NBPF3: variants seen among roughly 807,000 people sequenced by gnomAD.
NBPF3 encodes the protein NBPF family member NBPF3.
NBPF3 carries 57 observed loss-of-function variants against 78.1 expected under a neutral mutation model. The ratio of observed to expected loss-of-function variants is 0.73; its 90% CI spans 0.59 to 0.91. The LOEUF is 0.91. Among genes scored for constraint, NBPF3 ranks in the 40% least tolerant of loss-of-function variants. The probability of loss-of-function intolerance (pLI) is 0.00; values close to 1 mark genes in which losing one functional copy is unlikely to be tolerated. For missense variants in NBPF3, 510 were observed against 715.3 expected, an observed-to-expected ratio of 0.71 and a Z score of 3.27; for synonymous variants, 182 against 271.7, an observed-to-expected ratio of 0.67 and a Z score of 3.25.
rs1488651736 is a variant in NBPF3 at position 21,476,979 on chromosome 1, T to C, written c.993-1165T>C. On this transcript the variant is annotated intron_variant, in intron 8 of 14. Coordinates refer to ENST00000318249, the MANE Select transcript of NBPF3 (RefSeq NM_032264.6). This position sits in a 1 kb window ranked among gnomAD's most constrained non-coding sequence, Gnocchi z 4.1. ...TATTGGAGGCTTTGTTCATTTCTTT[T>C]TACTCTTTTTTCTCTAAACTGCTCT... 1.3e-5 allele frequency among the ~76,000 whole-genome samples: 2 copies of C among 152,220 alleles called. No homozygotes were observed. The highest frequency in any genetic ancestry group is 2.9e-5 in the Non-Finnish European group (2 of 68,036).
At chr1:21,463,525 G>A (rs560201672) in intron 2 of NBPF3, among the ~76,000 whole-genome samples, 1 of 152,322 alleles carries the variant, frequency 6.6e-6, no homozygotes, top group African/African-American at 2.4e-5. Flanking sequence ...ACGATGTCTT[G>A]AAGGAAACAT....
At chr1:21,470,774 G>A (rs749373234) in intron 4 of NBPF3, 40 bp downstream of exon 4, 2 of 1,377,584 alleles carry the variant, frequency 1.5e-6, no homozygotes, top group South Asian at 2.3e-5. Context: ...GGGCAGGTGT[G>A]TAAATATCTG....
chr1:21,455,311 TCTC>T (rs1558482881), intron 2 of NBPF3, among the ~76,000 whole-genome samples: 1 of 152,200 alleles, frequency 6.6e-6, no homozygotes, highest in Non-Finnish European at 1.5e-5. Flanking sequence ...AGGAGTGACA[TCTC>T]CTCAGTGGCT....
In NBPF3 at chr1:21,440,534, C is replaced by A. The variant is rs548125296; in HGVS notation, c.-140+186C>A. Among the ~76,000 whole-genome samples, 4 of 152,286 alleles carry A rather than the reference C, an allele frequency of 2.6e-5. No homozygotes were observed. The South Asian group carries it at 8.3e-4, about 32-fold the overall frequency. On this transcript the variant is annotated intron_variant, in intron 1 of 14. Transcript: ENST00000318249. ...GCGCTGGATTCTTCGCCTGCCGCTGCCGCCCTCAGCCCAGCTCTCGTGGGC... is the reference window on the plus strand; with the variant it reads ...GCGCTGGATTCTTCGCCTGCCGCTGACGCCCTCAGCCCAGCTCTCGTGGGC...
intron 2 of NBPF3, among the ~76,000 whole-genome samples, chr1:21,449,606 G>C (rs56270166): frequency 1.3e-5 from 2 of 151,978 alleles, no homozygotes; most frequent in Admixed American, 1.3e-4. Context: ...GAGTAGCTGC[G>C]ATTACAGGCA....
chr1:21,449,303 G>T (rs1372469980), intron 2 of NBPF3, among the ~76,000 whole-genome samples: 3 of 145,892 alleles, frequency 2.1e-5, no homozygotes, highest in African/African-American at 7.5e-5. Context: ...CTTGTTTATG[G>T]CTCTCCTTGA....
chr1:21,438,769 C>T (rs1640485595), upstream of NBPF3, among the ~76,000 whole-genome samples: 1 of 152,200 alleles, frequency 6.6e-6, no homozygotes, highest in Non-Finnish European at 1.5e-5. Context: ...CTGTCTTTCC[C>T]TAGGGCCTGG....
intron 8 of NBPF3, among the ~76,000 whole-genome samples, chr1:21,477,732 G>A (rs946739749): frequency 6.6e-6 from 1 of 152,178 alleles, no homozygotes; most frequent in African/African-American, 2.4e-5. Context: ...TCAAAATATT[G>A]TAAAAAGGGG....
chr1:21,469,004 T>C (rs1642440485), intron 3 of NBPF3, 107 bp downstream of exon 3: 1 of 893,300 alleles, frequency 1.1e-6, no homozygotes, highest in Non-Finnish European at 1.7e-6. Flanking sequence ...CCTCCCATAC[T>C]TCTAGGAAAA....
At chr1:21,478,012 C>T in intron 8 of NBPF3, 132 bp from the exon 9 acceptor site, 1 of 1,590,776 alleles carries the variant, frequency 6.3e-7, no homozygotes, top group Non-Finnish European at 8.6e-7. Flanking sequence ...AGTTTTATTT[C>T]TCTTGAAGGA....
intron 6 of NBPF3, 109 bp downstream of exon 6, chr1:21,473,024 GC>G (rs1642688807): frequency 3.5e-6 from 3 of 866,390 alleles, no homozygotes; most frequent in South Asian, 2.9e-5. Flanking sequence ...CATTCCCTTG[GC>G]CACAGTATGA....
At chr1:21,452,485 A>G (rs1246205412) in intron 2 of NBPF3, among the ~76,000 whole-genome samples, 1 of 152,226 alleles carries the variant, frequency 6.6e-6, no homozygotes, top group Non-Finnish European at 1.5e-5. Flanking sequence ...CTCCTTTTCA[A>G]CCTACAGGGG....
rs1002587346 is a variant in NBPF3, at chr1:21,476,087, A to G, written c.992+1136A>G. Among the ~76,000 whole-genome samples, 1 of 109,760 alleles carries G rather than the reference A, an allele frequency of 9.1e-6. No individual in the cohort carries two copies. The highest frequency in any genetic ancestry group is 2.9e-5 in the African/African-American group (1 of 34,794). 72.0% of individuals were successfully genotyped at this position (109,760 alleles called of 152,430 possible). ...AAAGTCTGTTTTATCAAAGACTAGG[A>G]TTGCAACCCCTGCTTTTTTTTGCTC... is the stretch of plus-strand genomic sequence containing the variant. On this transcript the variant is annotated intron_variant, in intron 8 of 14. Coordinates refer to ENST00000318249, the MANE Select transcript of NBPF3 (RefSeq NM_032264.6). This position sits in a 1 kb window ranked among gnomAD's most constrained non-coding sequence, Gnocchi z 4.1.
At chr1:21,451,544 A>G (rs1281267459) in intron 2 of NBPF3, among the ~76,000 whole-genome samples, 1 of 152,230 alleles carries the variant, frequency 6.6e-6, no homozygotes, top group Non-Finnish European at 1.5e-5. Context: ...GGACATGAAC[A>G]TGGGATACAG....
intron 1 of NBPF3, among the ~76,000 whole-genome samples, chr1:21,441,191 C>T (rs1482346613): frequency 6.6e-6 from 1 of 152,184 alleles, no homozygotes; most frequent in Non-Finnish European, 1.5e-5. Flanking sequence ...AATCCCAGTG[C>T]TTCACGAAGT....
rs898310393 is a variant in NBPF3, at chr1:21,460,775, CCTT to C, written c.134-7910_134-7908del. Among the ~76,000 whole-genome samples, 2 of 152,150 alleles carry C rather than the reference CCTT, an allele frequency of 1.3e-5. No homozygotes were observed. Among genetic ancestry groups the C allele is most frequent in the African/African-American group, 4.8e-5 (2 of 41,436 alleles). On this transcript the variant is annotated intron_variant, in intron 2 of 14. Coordinates refer to ENST00000318249, the MANE Select transcript of NBPF3 (RefSeq NM_032264.6). The surrounding 1 kb of genome is among the most constrained non-coding windows in gnomAD (Gnocchi z 4.2). ...GCAAATTGCCCTTCATTTTTAAAAA[CCTT>C]CTGCTTATTATGTTGTTGTTTAACA...
chr1:21,474,907 A>G lies in NBPF3; in HGVS notation c.948A>G (p.Glu316=). The G allele has an allele frequency of 6.2e-7, 1 of 1,602,558 alleles. No individual in the cohort carries two copies. The highest frequency in any genetic ancestry group is 2.3e-5 in the East Asian group (1 of 44,444). The change falls in exon 8 of 15, where the codon GAA becomes GAG. Residue 316 remains glutamate (E), a synonymous_variant. Coordinates refer to ENST00000318249, the MANE Select transcript of NBPF3 (RefSeq NM_032264.6). The part of the protein sequence containing the change: ...LDAVCIIPEN[E]SDHEQEEEKG... The stretch of plus-strand genomic sequence containing the variant: ...CTCTGAATTTATTTCCAGAAAATGA[A>G]AGTGATCATGAGCAAGAGGAAGAAA...
At chr1:21,458,499 C>G (rs1214951377) in intron 2 of NBPF3, among the ~76,000 whole-genome samples, 1 of 151,810 alleles carries the variant, frequency 6.6e-6, no homozygotes, top group South Asian at 2.1e-4. Flanking sequence ...TTCATAATAG[C>G]CCAAACGTGG....
In NBPF3 at chr1:21,440,137, A is replaced by G. The variant is rs1478273184; in HGVS notation, c.-351A>G. ...TGCAGGCGCAGGCGCAGGCGCAGGC[A>G]CAGGCGAGGGGTTGGGTGGCGGTTG... On this transcript the variant is annotated 5_prime_UTR_variant, in exon 1 of 15. Coordinates refer to ENST00000318249, the MANE Select transcript of NBPF3 (RefSeq NM_032264.6). The G allele has an allele frequency of 1.3e-5, 2 of 149,084 alleles. No homozygotes were observed. Among genetic ancestry groups the G allele is most frequent in the Admixed American group, 6.7e-5 (1 of 14,870 alleles). The allele number at this position is 149,084 out of a possible 1,614,324, so 9.2% of individuals were successfully genotyped here.
Sources: gnomAD v4.1 joint callset for allele counts (sites outside exome capture counted in the v4.1 genomes callset) on GRCh38, gnomAD v4.1.1 for gene constraint, Gnocchi (gnomAD v3.1) non-coding constraint, MANE v1.5 for transcripts, NCBI Gene and HGNC (gene_info 2026-07-23, HGNC 2026-07-21) for gene names.